CARMIL3: variants seen among roughly 807,000 people sequenced by gnomAD.
CARMIL3 encodes the protein capping protein, Arp2/3 and myosin-I linker protein 3.
Under a neutral mutation model 180.8 loss-of-function variants are expected in CARMIL3, and 88 were observed. That is an observed-to-expected ratio of 0.49 (90% CI 0.41 to 0.58). CARMIL3 has a LOEUF of 0.58. Among genes scored for constraint, CARMIL3 ranks in the 20% least tolerant of loss-of-function variants. The pLI is 0.00. For synonymous variants in CARMIL3, 696 were observed against 714.5 expected, an observed-to-expected ratio of 0.97 and a Z score of 0.41; for missense variants, 1,548 against 1,787.0, an observed-to-expected ratio of 0.87 and a Z score of 2.41.
intron 6 of CARMIL3, 33 bp from the exon 7 acceptor site, chr14:24,055,033 C>G: frequency 6.2e-7 from 1 of 1,608,936 alleles, no homozygotes; most frequent in South Asian, 1.1e-5. Context: ...ATCTCCTTAC[C>G]CTCATGGAAT....
At chr14:24,056,729 T>TGCAG (rs761660176) in intron 12 of CARMIL3, 21 bp downstream of exon 12, 1 of 1,609,256 alleles carries the variant, frequency 6.2e-7, no homozygotes, top group East Asian at 2.2e-5. Context: ...CAAGGACCCC[T>TGCAG]GACCTCTGAC....
Position 24,059,602 on chromosome 14 carries a change from C to G in CARMIL3, c.1800-62C>G. 5 of 1,586,236 alleles carry G rather than the reference C, an allele frequency of 3.2e-6. No individual in the cohort carries two copies. The South Asian group carries it at 4.5e-5, about 14-fold the overall frequency. On this transcript the variant is annotated intron_variant, in intron 21 of 39. Coordinates refer to ENST00000342740, the MANE Select transcript of CARMIL3 (RefSeq NM_138360.4). This position sits in a 1 kb window ranked among gnomAD's most constrained non-coding sequence, Gnocchi z 6.3. ...CCTTATTGCCCCAAGAGGTTTGTGT[C>G]CCTGGCCCCTAGTAGGGACCCAGGA...
rs2035821746 is a variant in CARMIL3, at chr14:24,068,833, G to A, written c.3849G>A (p.Val1283=). ...LAPWPPKPVA[V]PRGRQPPQEP... Reference sequence around the variant, plus strand: ...CATGGCCTCCCAAGCCAGTGGCTGTGCCCAGGGGCCGCCAGCCTCCCCAGG... The same window carrying A: ...CATGGCCTCCCAAGCCAGTGGCTGTACCCAGGGGCCGCCAGCCTCCCCAGG... The change falls in exon 38 of 40, where the codon GTG becomes GTA. Residue 1283 remains valine (V), a synonymous_variant. Transcript: ENST00000342740. The A allele has an allele frequency of 6.2e-7, 1 of 1,613,602 alleles. No individual in the cohort carries two copies. The highest frequency in any genetic ancestry group is 1.3e-5 in the African/African-American group (1 of 75,040).
chr14:24,065,760 G>A lies in CARMIL3; in HGVS notation c.3525+10G>A, dbSNP rs946871830. 5.0e-6 allele frequency: 8 copies of A among 1,613,372 alleles called. No homozygotes were observed. In the African/African-American group the frequency reaches 6.7e-5, roughly 13 times the overall value. The stretch of plus-strand genomic sequence containing the variant: ...CGATGGGAAACGAGAGGTGAGTGGA[G>A]CCTGGGACAACAAACTGTGGGTCCT... On this transcript the variant is annotated intron_variant, in intron 34 of 39. Coordinates refer to ENST00000342740, the MANE Select transcript of CARMIL3 (RefSeq NM_138360.4).
At chr14:24,067,704 C>T (rs2035800828) in intron 36 of CARMIL3, among the ~76,000 whole-genome samples, 1 of 152,276 alleles carries the variant, frequency 6.6e-6, no homozygotes, top group African/African-American at 2.4e-5. Flanking sequence ...CAAAGTAGGG[C>T]TCCATCTTTC....
intron 11 of CARMIL3, 67 bp from the exon 12 acceptor site, chr14:24,056,555 T>G: frequency 1.3e-6 from 2 of 1,556,856 alleles, no homozygotes; most frequent in Non-Finnish European, 1.8e-6. Flanking sequence ...GCCCCCAACC[T>G]GACTCTGTGC....
At chr14:24,056,417 T>C in intron 11 of CARMIL3, 24 bp downstream of exon 11, 1 of 1,604,600 alleles carries the variant, frequency 6.2e-7, no homozygotes, top group Non-Finnish European at 8.5e-7. Flanking sequence ...CTGAATCCTG[T>C]CCCCATCCCA....
At position 24,062,784 on chromosome 14, in the gene CARMIL3, C is replaced by T. The variant is rs1000736951; in HGVS notation, c.2644C>T (p.Arg882Trp). ...CPGQGQDLSS[R>W]GRGRNHDHEE... ...AGGCCAAGGGCAGGATCTGTCCTCC[C>T]GGGGCCGAGGCCGGAACCATGACCA... The change falls in exon 29 of 40, where the codon CGG becomes TGG. Residue 882 changes from arginine (R) to tryptophan (W), a missense_variant. By Grantham distance (101) the Arg-to-Trp change is moderately radical (BLOSUM62 -3). This residue lies in a region of CARMIL3 where 668 missense variants were observed against 687.8 expected (regional missense o/e 0.97). Transcript: ENST00000342740. 8.7e-6 allele frequency: 14 copies of T among 1,613,738 alleles called. No homozygotes were observed. Among genetic ancestry groups the T allele is most frequent in the East Asian group, 2.2e-5 (1 of 44,896 alleles).
At position 24,059,053 on chromosome 14, in the gene CARMIL3, A is replaced by G. The variant is rs1242423856; in HGVS notation, c.1571+67A>G. The G allele has an allele frequency of 3.8e-6, 6 of 1,597,532 alleles. No homozygotes were observed. In the Admixed American group the frequency reaches 7.0e-5, roughly 19 times the overall value. On this transcript the variant is annotated intron_variant, in intron 19 of 39. Coordinates refer to ENST00000342740, the MANE Select transcript of CARMIL3 (RefSeq NM_138360.4). This position sits in a 1 kb window ranked among gnomAD's most constrained non-coding sequence, Gnocchi z 6.3. ...TTCACCCATCCTCTTGGCTCACCGT[A>G]TTACCTCTGGCCACCTCTCTCCTCC...
intron 1 of CARMIL3, 39 bp downstream of exon 1, chr14:24,052,232 G>A (rs1304037060): frequency 3.2e-6 from 5 of 1,553,268 alleles, no homozygotes; most frequent in Non-Finnish European, 4.3e-6. Flanking sequence ...CCCCGTCCGG[G>A]AGCATCCCAG....
Position 24,055,690 on chromosome 14 carries a change from T to G in CARMIL3, c.682-11T>G. On this transcript the variant is annotated splice_polypyrimidine_tract_variant and intron_variant, in intron 9 of 39. Coordinates refer to ENST00000342740, the MANE Select transcript of CARMIL3 (RefSeq NM_138360.4). ...TTGGCCCCTGATCACAAGACCCCCCTCTGTCCTCAGGGCTCTGAAGTGCTA... is the reference window on the plus strand; with the variant it reads ...TTGGCCCCTGATCACAAGACCCCCCGCTGTCCTCAGGGCTCTGAAGTGCTA... 6.2e-7 allele frequency: 1 copy of G among 1,613,934 alleles called. No homozygotes were observed. The highest frequency in any genetic ancestry group is 8.5e-7 in the Non-Finnish European group (1 of 1,179,960).
rs750821240 is a variant in CARMIL3, at chr14:24,066,519, T to C, written c.3593-48T>C. ...GGACCCCTCTCTCAGGGGTCAAATT[T>C]ACCTTTTCCCTTTCTCCTCTCTTTC... On this transcript the variant is annotated intron_variant, in intron 35 of 39. Transcript: ENST00000342740. 6.8e-6 allele frequency: 11 copies of C among 1,612,760 alleles called. No individual in the cohort carries two copies. In the South Asian group the frequency reaches 1.1e-4, roughly 16 times the overall value.
intron 27 of CARMIL3, 163 bp from the exon 28 acceptor site, chr14:24,062,317 T>C (rs546677413): frequency 2.9e-6 from 2 of 690,004 alleles, no homozygotes; most frequent in African/African-American, 1.8e-5. Flanking sequence ...GAGAAATGAG[T>C]GTCAAGGGCT....
chr14:24,062,726 G>A lies in CARMIL3; in HGVS notation c.2586G>A (p.Gln862=). Residue 862 remains glutamine, a synonymous_variant, in exon 29 of 40, where the codon CAG becomes CAA. Transcript: ENST00000342740. ...TTCCCCAGGCCCGGCACCTGACCCA[G>A]CTAAGGACGCTGTCAGATCCACCAG... The part of the protein sequence containing the change: ...SHKSLARHLT[Q]LRTLSDPPGC... 1 of 1,611,252 alleles carries A rather than the reference G, an allele frequency of 6.2e-7. No individual in the cohort carries two copies. The highest frequency in any genetic ancestry group is 1.7e-5 in the Admixed American group (1 of 59,796).
In CARMIL3 at chr14:24,064,322, G is replaced by T. The variant is rs772051618; in HGVS notation, c.3056G>T (p.Arg1019Leu). The T allele has an allele frequency of 6.2e-7, 1 of 1,611,546 alleles. No homozygotes were observed. The highest frequency in any genetic ancestry group is 1.1e-5 in the South Asian group (1 of 90,432). ...GAAGGGCTGGAGGACTTCTTCAGCCGAAGGGTCCTGGAGGAAAGTTCTAGG... is the reference window on the plus strand; with the variant it reads ...GAAGGGCTGGAGGACTTCTTCAGCCTAAGGGTCCTGGAGGAAAGTTCTAGG... ...LDEGLEDFFSRRVLEESSSYP... is the reference protein window; with the variant it reads ...LDEGLEDFFSLRVLEESSSYP... The change falls in exon 32 of 40, where the codon CGA (arginine) becomes CTA (leucine). Residue 1019 changes from arginine (R) to leucine (L), a missense_variant. By Grantham distance (102) the Arg-to-Leu change is moderately radical (BLOSUM62 -2). Coordinates refer to ENST00000342740, the MANE Select transcript of CARMIL3 (RefSeq NM_138360.4).
rs761823798 is a variant in CARMIL3 at position 24,057,007 on chromosome 14, G to A, written c.1045G>A (p.Ala349Thr). The change falls in exon 13 of 40, where the codon GCC becomes ACC. Residue 349 changes from alanine to threonine, a missense_variant. This residue lies in a region of CARMIL3 where 578 missense variants were observed against 666.5 expected (regional missense o/e 0.87). Coordinates refer to ENST00000342740, the MANE Select transcript of CARMIL3 (RefSeq NM_138360.4). Reference protein sequence around the residue: ...LDLSKNPGLLATDEANALYSF... With the variant: ...LDLSKNPGLLTTDEANALYSF... Reference sequence around the variant, plus strand: ...CCTGAGCAAGAATCCTGGGCTCCTCGCCACGGATGAGGCCAATGTGAGTCC... The same window carrying A: ...CCTGAGCAAGAATCCTGGGCTCCTCACCACGGATGAGGCCAATGTGAGTCC... 8 of 1,613,478 alleles carry A rather than the reference G, an allele frequency of 5.0e-6. No individual in the cohort carries two copies. The East Asian group carries it at 6.7e-5, about 13-fold the overall frequency.
chr14:24,056,022 G>A (rs1379253314), intron 10 of CARMIL3, among the ~76,000 whole-genome samples: 3 of 152,120 alleles, frequency 2.0e-5, no homozygotes, highest in African/African-American at 4.8e-5. Flanking sequence ...TCCATGCCCC[G>A]TCCTCTTTTT....
Position 24,061,437 on chromosome 14 carries a change from G to T in CARMIL3, c.2305-60G>T, listed in dbSNP as rs1483764184. 6 of 1,535,630 alleles carry T rather than the reference G, an allele frequency of 3.9e-6. No individual in the cohort carries two copies. The highest frequency in any genetic ancestry group is 4.4e-6 in the Non-Finnish European group (5 of 1,129,498). ...TGGAATAGATAAAGTCTCTTCTGCT[G>T]TGGTGCCAGCCCTGATCCTGTCCCC... On this transcript the variant is annotated intron_variant, in intron 26 of 39. Transcript: ENST00000342740. This position sits in a 1 kb window ranked among gnomAD's most constrained non-coding sequence, Gnocchi z 4.1.
intron 1 of CARMIL3, among the ~76,000 whole-genome samples, chr14:24,053,433 C>A (rs1247194741): frequency 6.6e-5 from 10 of 152,222 alleles, no homozygotes; most frequent in Non-Finnish European, 2.9e-5. Context: ...CACCCTCCCA[C>A]AGACAGTCAG....
Sources: allele counts gnomAD v4.1 joint callset (sites outside exome capture counted in the v4.1 genomes callset), GRCh38; gene constraint gnomAD v4.1.1; regional missense constraint gnomAD v4.1.1; non-coding constraint Gnocchi (gnomAD v3.1); transcripts MANE v1.5; gene names NCBI Gene and HGNC (gene_info 2026-07-23, HGNC 2026-07-21).